FBXW5: variants seen among roughly 807,000 people sequenced by gnomAD.
The protein encoded by FBXW5 is F-box and WD repeat domain containing 5, also known as F-box/WD repeat-containing protein 5.
Under a neutral mutation model 50.9 loss-of-function variants are expected in FBXW5, and 74 were observed. The ratio of observed to expected loss-of-function variants is 1.45; its 90% CI spans 1.20 to 1.76. The LOEUF (loss-of-function observed/expected upper bound fraction) is 1.76. Among genes scored for constraint, FBXW5 ranks in the 40% most tolerant of loss-of-function variants. FBXW5 has a pLI of 0.00. For synonymous variants in FBXW5, 523 were observed against 362.2 expected, an observed-to-expected ratio of 1.44 and a Z score of -5.04; for missense variants, 1,073 against 818.8, an observed-to-expected ratio of 1.31 and a Z score of -3.79.
In FBXW5 at chr9:136,941,655, T is replaced by A; in HGVS notation, c.1126A>T (p.Thr376Ser). The stretch of plus-strand genomic sequence containing the variant: ...TCACCCAGCACGGGCCCTGCCGTGG[T>A]CATCTGGTGTGGCAGGATCTGCTTG... ...GIKQILPHQMTTAGPVLGEGR... is the reference protein window; with the variant it reads ...GIKQILPHQMSTAGPVLGEGR... Residue 376 changes from threonine (T) to serine (S), a missense_variant, in exon 7 of 9, where the codon ACC becomes TCC. Transcript: ENST00000325285. 1 of 1,567,184 alleles carries A rather than the reference T, an allele frequency of 6.4e-7. No homozygotes were observed. Among genetic ancestry groups the A allele is most frequent in the South Asian group, 1.2e-5 (1 of 85,836 alleles).
At chr9:136,943,850 C>T (rs1338883423) in intron 2 of FBXW5, 41 bp downstream of exon 2, 4 of 1,543,420 alleles carry the variant, frequency 2.6e-6, no homozygotes, top group Non-Finnish European at 1.7e-6. Flanking sequence ...GCCCGGGGCC[C>T]TGGCTGCAGA....
rs371335676 is a variant in FBXW5, at chr9:136,942,672, C to G, written c.550G>C (p.Val184Leu). 6.8e-6 allele frequency: 11 copies of G among 1,610,254 alleles called. No individual in the cohort carries two copies. In the South Asian group the frequency reaches 7.7e-5, roughly 11 times the overall value. The change falls in exon 5 of 9, where the codon GTG becomes CTG. Residue 184 changes from valine to leucine, a missense_variant. Physicochemically the swap from Val to Leu is conservative, Grantham distance 32. Coordinates refer to ENST00000325285, the MANE Select transcript of FBXW5 (RefSeq NM_018998.4). ...SLDSFALLSR[V>L]RNKPYDVFGC... ...AACACGTCATAGGGCTTGTTCCGCA[C>G]GCGGGACAGCAGCGCGAAGGAGTCT...
In FBXW5 at chr9:136,941,631, C is replaced by T. The variant is rs1850773062; in HGVS notation, c.1150G>A (p.Glu384Lys). 2 of 1,578,346 alleles carry T rather than the reference C, an allele frequency of 1.3e-6. No homozygotes were observed. Among genetic ancestry groups the T allele is most frequent in the Non-Finnish European group, 1.7e-6 (2 of 1,162,590 alleles). ...QMTTAGPVLG[E>K]GRGSDAFFDA... is the part of the protein sequence containing the mutation. ...AAGAAGGCATCGGAGCCCCGGCCCTCACCCAGCACGGGCCCTGCCGTGGTC... is the reference window on the plus strand; with the variant it reads ...AAGAAGGCATCGGAGCCCCGGCCCTTACCCAGCACGGGCCCTGCCGTGGTC... The change falls in exon 7 of 9, where the codon GAG (glutamate) becomes AAG (lysine). Residue 384 changes from glutamate to lysine, a missense_variant. Coordinates refer to ENST00000325285, the MANE Select transcript of FBXW5 (RefSeq NM_018998.4).
intron 3 of FBXW5, 159 bp from the exon 4 acceptor site, chr9:136,943,102 G>T: frequency 8.2e-7 from 1 of 1,224,674 alleles, no homozygotes; most frequent in Non-Finnish European, 1.2e-6. Flanking sequence ...GGGGGCATTG[G>T]TATAGAGCGG....
Position 136,941,589 on chromosome 9 carries a change from C to T in FBXW5, c.1192G>A (p.Val398Ile), listed in dbSNP as rs375877399. Residue 398 changes from valine (V) to isoleucine (I), a missense_variant, in exon 7 of 9, where the codon GTC (valine) becomes ATC (isoleucine). Val to Ile is a conservative substitution (Grantham distance 29). Coordinates refer to ENST00000325285, the MANE Select transcript of FBXW5 (RefSeq NM_018998.4). The stretch of plus-strand genomic sequence containing the variant: ...ATGATGTGTCCGTGTATGTCTATGA[C>T]GTGGTCCAGCGCGTCGAAGAAGGCA... ...SDAFFDALDH[V>I]IDIHGHIIGM... 2.0e-5 allele frequency: 32 copies of T among 1,607,284 alleles called. No individual in the cohort carries two copies. The highest frequency in any genetic ancestry group is 9.0e-5 in the East Asian group (4 of 44,602).
intron 2 of FBXW5, 108 bp from the exon 3 acceptor site, chr9:136,943,614 C>T: frequency 1.4e-6 from 2 of 1,421,786 alleles, no homozygotes; most frequent in East Asian, 2.5e-5. Flanking sequence ...GCCCCTGGAA[C>T]CCACTAGTCA....
rs766079091 is a variant in FBXW5, at chr9:136,942,761, G to T, written c.526+8C>A. The T allele has an allele frequency of 1.9e-6, 3 of 1,612,520 alleles. No homozygotes were observed. The highest frequency in any genetic ancestry group is 2.2e-5 in the South Asian group (2 of 91,078). The stretch of plus-strand genomic sequence containing the variant: ...CGGGGGCAGGGTCAACCCGCCGCCC[G>T]TGCTCACCTAGGCTGATGACAGCAA... On this transcript the variant is annotated splice_region_variant and intron_variant, in intron 4 of 8. Transcript: ENST00000325285.
At chr9:136,943,809 C>T (rs1306850092) in intron 2 of FBXW5, 82 bp downstream of exon 2, 9 of 1,432,308 alleles carry the variant, frequency 6.3e-6, no homozygotes, top group African/African-American at 1.4e-5. Flanking sequence ...GCGGGGCGGG[C>T]CCCCAGCCAG....
chr9:136,941,949 G>T, intron 6 of FBXW5, 97 bp downstream of exon 6: 1 of 1,461,720 alleles, frequency 6.8e-7, no homozygotes, highest in East Asian at 2.5e-5. Context: ...TCCCAGCTTT[G>T]CCTGTGGACT....
chr9:136,944,509 C>A, intron 1 of FBXW5, 85 bp downstream of exon 1: 1 of 984,564 alleles, frequency 1.0e-6, no homozygotes, highest in South Asian at 4.7e-5. Context: ...GGGACGAGCG[C>A]ACGGGCGGCC....
Position 136,941,520 on chromosome 9 carries a change from A to G in FBXW5, c.1244+17T>C, listed in dbSNP as rs1850764310. The G allele has an allele frequency of 3.1e-6, 5 of 1,606,872 alleles. No individual in the cohort carries two copies. The highest frequency in any genetic ancestry group is 1.7e-5 in the Admixed American group (1 of 59,904). ...CGCCTGCGGGCACCCCGCCTGGGAC[A>G]CTGGCAAGAGGCCCACCTGTTGTCG... On this transcript the variant is annotated intron_variant, in intron 7 of 8. Coordinates refer to ENST00000325285, the MANE Select transcript of FBXW5 (RefSeq NM_018998.4).
In FBXW5 at chr9:136,942,231, T is replaced by C. The variant is rs1301646512; in HGVS notation, c.911A>G (p.His304Arg). ...CCCCTCCAGCACGCGGTCCAGAAAGTGCCGCAAGCCCTCCTTGGCGTGGGC... is the reference window on the plus strand; with the variant it reads ...CCCCTCCAGCACGCGGTCCAGAAAGCGCCGCAAGCCCTCCTTGGCGTGGGC... ...APAHAKEGLRHFLDRVLEGRA... is the reference protein window; with the variant it reads ...APAHAKEGLRRFLDRVLEGRA... The change falls in exon 6 of 9, where the codon CAC (histidine) becomes CGC (arginine). Residue 304 changes from histidine to arginine, a missense_variant. Physicochemically the swap from His to Arg is conservative, Grantham distance 29. Coordinates refer to ENST00000325285, the MANE Select transcript of FBXW5 (RefSeq NM_018998.4). 6.3e-7 allele frequency: 1 copy of C among 1,589,196 alleles called. No individual in the cohort carries two copies. Among genetic ancestry groups the C allele is most frequent in the Admixed American group, 1.8e-5 (1 of 56,296 alleles).
chr9:136,942,021 G>A (rs773039891), intron 6 of FBXW5, 25 bp downstream of exon 6: 30 of 1,582,802 alleles, frequency 1.9e-5, no homozygotes, highest in Non-Finnish European at 2.6e-5. Flanking sequence ...GGACCGAGGC[G>A]GGCAGCATGG....
intron 1 of FBXW5, 134 bp from the exon 2 acceptor site, chr9:136,944,240 C>T: frequency 9.9e-7 from 1 of 1,011,702 alleles, no homozygotes; most frequent in Non-Finnish European, 1.4e-6. Flanking sequence ...CGCCCGGGTA[C>T]CGCCGCCCAA....
chr9:136,944,188 C>A, intron 1 of FBXW5, 82 bp from the exon 2 acceptor site: 1 of 1,395,788 alleles, frequency 7.2e-7, no homozygotes, highest in Admixed American at 2.6e-5. Context: ...CAGCCCCAAC[C>A]GTCCCGCCGG....
intron 8 of FBXW5, 31 bp from the exon 9 acceptor site, chr9:136,941,202 C>T: frequency 6.3e-7 from 1 of 1,597,648 alleles, no homozygotes; most frequent in Non-Finnish European, 8.5e-7. Context: ...GAGCCGGCCG[C>T]CCGCCCGCTG....
Position 136,941,142 on chromosome 9 carries a change from C to T in FBXW5, c.1487G>A (p.Trp496Ter). 6.3e-7 allele frequency: 1 copy of T among 1,597,884 alleles called. No homozygotes were observed. Among genetic ancestry groups the T allele is most frequent in the Non-Finnish European group, 8.5e-7 (1 of 1,171,724 alleles). ...SGAEDRHGYI[W>*]DRHYNICLAR... Reference sequence around the variant, plus strand: ...CAGACAGATGTTGTAGTGGCGGTCCCAGATGTAGCCGTGCCGGTCCTCCGC... The same window carrying T: ...CAGACAGATGTTGTAGTGGCGGTCCTAGATGTAGCCGTGCCGGTCCTCCGC... Residue 496 changes from tryptophan (W) to a stop codon, truncating the protein, a stop_gained, in exon 9 of 9, where the codon TGG becomes TAG. Transcript: ENST00000325285. LOFTEE classifies it high-confidence loss of function.
chr9:136,940,570 C>G lies in FBXW5; in HGVS notation c.*358G>C, dbSNP rs922004870. 6.6e-6 allele frequency: 2 copies of G among 300,858 alleles called. No individual in the cohort carries two copies. The highest frequency in any genetic ancestry group is 4.3e-5 in the African/African-American group (2 of 46,988). 18.6% of individuals were successfully genotyped at this position (300,858 alleles called of 1,614,324 possible). On this transcript the variant is annotated 3_prime_UTR_variant, in exon 9 of 9. Coordinates refer to ENST00000325285, the MANE Select transcript of FBXW5 (RefSeq NM_018998.4). ...CACAGCCAGGAGCAGCCCCTGCCAC[C>G]ACTGGGCCACCGTCCAGGGCCCCAC...
At position 136,942,106 on chromosome 9, in the gene FBXW5, C is replaced by G; in HGVS notation, c.1036G>C (p.Ala346Pro). Residue 346 changes from alanine (A) to proline (P), a missense_variant, in exon 6 of 9, where the codon GCC becomes CCC. By Grantham distance (27) the Ala-to-Pro change is conservative. Coordinates refer to ENST00000325285, the MANE Select transcript of FBXW5 (RefSeq NM_018998.4). ...TKPPERSATG[A>P]KSKYLIFTTG... ...GTGAAGATGAGGTACTTGCTCTTGG[C>G]GCCTGTGGCACTGCGCTCGGGTGGC... The G allele has an allele frequency of 6.2e-7, 1 of 1,612,762 alleles. No individual in the cohort carries two copies. Among genetic ancestry groups the G allele is most frequent in the Admixed American group, 1.7e-5 (1 of 59,900 alleles).
Sources: gnomAD v4.1 joint callset for allele counts on GRCh38, gnomAD v4.1.1 for gene constraint, MANE v1.5 for transcripts, NCBI Gene and HGNC (gene_info 2026-07-23, HGNC 2026-07-21) for gene names.